Variants in PROM1 observed in about 807,000 individuals in gnomAD.
PROM1 encodes prominin 1.
Under a neutral mutation model 116.9 loss-of-function variants are expected in PROM1, and 105 were observed. That is an observed-to-expected ratio of 0.90 (90% CI 0.77 to 1.06). The LOEUF (loss-of-function observed/expected upper bound fraction) is 1.06, where lower values mean the gene tolerates loss of function less well. Among genes scored for constraint, PROM1 ranks in the 50% least tolerant of loss-of-function variants. PROM1 has a pLI of 0.00. For synonymous variants in PROM1, 393 were observed against 387.0 expected, an observed-to-expected ratio of 1.02 and a Z score of -0.18; for missense variants, 1,122 against 1,045.2, an observed-to-expected ratio of 1.07 and a Z score of -1.01.
At chr4:15,973,141 C>T (rs1461828030) in intron 26 of PROM1, among the ~76,000 whole-genome samples, 2 of 152,206 alleles carry the variant, frequency 1.3e-5, no homozygotes, top group Non-Finnish European at 2.9e-5. Flanking sequence ...TGCAGAGGTG[C>T]AGCCATGCGG....
intron 16 of PROM1, among the ~76,000 whole-genome samples, chr4:15,993,386 A>G (rs1306418610): frequency 6.6e-6 from 1 of 151,978 alleles, no homozygotes; most frequent in East Asian, 1.9e-4. Context: ...GGCAGCTGAA[A>G]CTCTTGCTCT....
intron 1 of PROM1, chr4:16,079,503 A>G (rs1330368159): frequency 1.3e-5 from 2 of 152,210 alleles, no homozygotes; most frequent in African/African-American, 4.8e-5. Context: ...TCAAAGAGGA[A>G]GAGTTTTTTA....
At chr4:15,991,762 G>A (rs1372245917) in intron 17 of PROM1, among the ~76,000 whole-genome samples, 5 of 151,474 alleles carry the variant, frequency 3.3e-5, no homozygotes, top group South Asian at 2.1e-4. Flanking sequence ...GTGAAACCCC[G>A]TCTCTACTAA....
intron 19 of PROM1, 104 bp downstream of exon 19, chr4:15,989,628 A>G: frequency 1.0e-6 from 1 of 960,160 alleles, no homozygotes; most frequent in Non-Finnish European, 1.6e-6. Flanking sequence ...GTCAGCTGGG[A>G]CCTATGAGAG....
intron 6 of PROM1, 56 bp from the exon 7 acceptor site, chr4:16,024,414 G>A: frequency 7.1e-7 from 1 of 1,414,358 alleles, no homozygotes; most frequent in Non-Finnish European, 9.7e-7. Flanking sequence ...GGCAATAAGA[G>A]GGCAAAAAGA....
At chr4:16,082,478 T>A (rs1745219539) in intron 1 of PROM1, 1 of 152,230 alleles carries the variant, frequency 6.6e-6, no homozygotes, top group South Asian at 2.1e-4. Flanking sequence ...AGGAGCAACC[T>A]GTTGCAGAAT....
intron 2 of PROM1, among the ~76,000 whole-genome samples, chr4:16,058,139 A>G (rs1333476778): frequency 6.6e-6 from 1 of 152,220 alleles, no homozygotes; most frequent in Non-Finnish European, 1.5e-5. Context: ...AACAGGTTTC[A>G]CTGTGCAGTT....
intron 1 of PROM1, among the ~76,000 whole-genome samples, chr4:16,082,846 C>T (rs1745289331): frequency 6.6e-6 from 1 of 152,034 alleles, no homozygotes; most frequent in Admixed American, 6.5e-5. Context: ...AAACTGATCC[C>T]GAGCCTCTGA....
intron 20 of PROM1, among the ~76,000 whole-genome samples, chr4:15,987,363 TTG>T (rs1345115213): frequency 1.3e-5 from 2 of 152,208 alleles, no homozygotes; most frequent in Non-Finnish European, 2.9e-5. Context: ...AGGTTTGGGA[TTG>T]TGTGTTAGGC....
At position 15,970,973 on chromosome 4, in the gene PROM1, A is replaced by C. The variant is rs556767309; in HGVS notation, c.*24+70T>G. 1.5e-5 allele frequency: 18 copies of C among 1,188,220 alleles called. No individual in the cohort carries two copies. The South Asian group carries it at 2.1e-4, about 14-fold the overall frequency. The allele number at this position is 1,188,220 out of a possible 1,614,324, so 73.6% of individuals were successfully genotyped here. On this transcript the variant is annotated intron_variant, in intron 27 of 27. Transcript: ENST00000447510. ...ATGTGGCAATGTATTAGGAATAGCT[A>C]TGTTTTGATGTTCTAAAAACTAAAA...
intron 5 of PROM1, among the ~76,000 whole-genome samples, chr4:16,031,918 T>G (rs1732786654): frequency 2.6e-5 from 4 of 152,206 alleles, no homozygotes; most frequent in Admixed American, 2.6e-4. Context: ...AGATTTTTTT[T>G]GTCACTGTTC....
At chr4:15,983,494 T>A (rs1196029126) in intron 23 of PROM1, among the ~76,000 whole-genome samples, 2 of 151,250 alleles carry the variant, frequency 1.3e-5, no homozygotes, top group African/African-American at 4.9e-5. Flanking sequence ...AAGTGGGGAG[T>A]GGGTAGGTGG....
intron 3 of PROM1, among the ~76,000 whole-genome samples, chr4:16,036,841 C>A (rs1027500057): frequency 9.2e-5 from 14 of 152,174 alleles, no homozygotes; most frequent in African/African-American, 3.4e-4. Context: ...GTTTAATTAA[C>A]CTCTTTCTTT....
At chr4:16,007,637 C>A (rs373121723) in intron 12 of PROM1, among the ~76,000 whole-genome samples, 1 of 152,178 alleles carries the variant, frequency 6.6e-6, no homozygotes, top group East Asian at 1.9e-4. Flanking sequence ...GTTAAAGGAG[C>A]ATCTGCTTAG....
intron 11 of PROM1, among the ~76,000 whole-genome samples, chr4:16,010,866 C>G (rs1726722207): frequency 1.3e-5 from 2 of 152,122 alleles, no homozygotes; most frequent in South Asian, 4.1e-4. Context: ...GACACAGAAG[C>G]GAGCAACAGA....
At chr4:16,009,898 G>A (rs993732193) in intron 11 of PROM1, among the ~76,000 whole-genome samples, 1 of 127,808 alleles carries the variant, frequency 7.8e-6, no homozygotes, top group African/African-American at 3.0e-5. Context: ...GCCATTCATT[G>A]TACTCCAGCC....
At chr4:16,046,440 T>C (rs981503714) in intron 2 of PROM1, among the ~76,000 whole-genome samples, 4 of 152,170 alleles carry the variant, frequency 2.6e-5, no homozygotes, top group Non-Finnish European at 5.9e-5. Context: ...GATAGGAAAA[T>C]ACCTCATGAC....
intron 2 of PROM1, among the ~76,000 whole-genome samples, chr4:16,048,239 C>T (rs904430811): frequency 3.3e-5 from 5 of 152,148 alleles, no homozygotes; most frequent in Non-Finnish European, 7.4e-5. Flanking sequence ...CCAAACAGTA[C>T]GATGGCCTCG....
At chr4:16,028,391 G>A (rs893845219) in intron 5 of PROM1, among the ~76,000 whole-genome samples, 2 of 152,242 alleles carry the variant, frequency 1.3e-5, no homozygotes, top group East Asian at 1.9e-4. Context: ...CCACCATGAT[G>A]GCAGATAAAT....
Sources: allele counts gnomAD v4.1 joint callset (sites outside exome capture counted in the v4.1 genomes callset), GRCh38; gene constraint gnomAD v4.1.1; transcripts MANE v1.5; gene names NCBI Gene and HGNC (gene_info 2026-07-23, HGNC 2026-07-21).